The following ITPRIP variants were observed in gnomAD, a reference collection of about 807,000 sequenced individuals.
ITPRIP encodes the protein inositol 1,4,5-trisphosphate receptor-interacting protein.
In ITPRIP, 32 loss-of-function variants were observed where a neutral mutation model predicts 35.8. The ratio of observed to expected loss-of-function variants is 0.89; its 90% CI spans 0.68 to 1.20. ITPRIP has a LOEUF of 1.20. Ranked by LOEUF, ITPRIP falls within the 50% of genes most tolerant of loss-of-function variation. The probability of loss-of-function intolerance (pLI) is 0.00; values close to 1 mark genes in which losing one functional copy is unlikely to be tolerated. For synonymous variants in ITPRIP, 358 were observed against 324.0 expected, an observed-to-expected ratio of 1.11 and a Z score of -1.13; for missense variants, 653 against 735.6, an observed-to-expected ratio of 0.89 and a Z score of 1.30.
At position 104,314,357 on chromosome 10, in the gene ITPRIP, G is replaced by A. The variant is rs753430147; in HGVS notation, c.*51C>T. ...GGCAGATGCCACCAGGGGTGTGAAC[G>A]TGAGGGATGCCCTCATCTTAGCTCG... On this transcript the variant is annotated 3_prime_UTR_variant, in exon 2 of 2. Transcript: ENST00000337478. The A allele has an allele frequency of 8.3e-6, 13 of 1,558,320 alleles. No homozygotes were observed. Among genetic ancestry groups the A allele is most frequent in the South Asian group, 2.5e-5 (2 of 81,582 alleles).
rs757755727 is a variant in ITPRIP at position 104,315,510 on chromosome 10, C to T, written c.542G>A (p.Arg181Gln). 1 of 1,614,224 alleles carries T rather than the reference C, an allele frequency of 6.2e-7. No individual in the cohort carries two copies. Among genetic ancestry groups the T allele is most frequent in the Non-Finnish European group, 8.5e-7 (1 of 1,180,024 alleles). ...GTCCTCCACCTCCATGTCGGTGTCC[C>T]GGTTGCAGAGGCTCCTCAGGGCTTC... ...LLEALRSLCN[R>Q]DTDMEVEDFI... Residue 181 changes from arginine (R) to glutamine (Q), a missense_variant, in exon 2 of 2, where the codon CGG becomes CAG. Coordinates refer to ENST00000337478, the MANE Select transcript of ITPRIP (RefSeq NM_001272013.2). This position sits in a 1 kb window ranked among gnomAD's most constrained non-coding sequence, Gnocchi z 5.7.
At position 104,312,891 on chromosome 10, in the gene ITPRIP, C is replaced by T; in HGVS notation, c.*1517G>A. On this transcript the variant is annotated 3_prime_UTR_variant, in exon 2 of 2. Coordinates refer to ENST00000337478, the MANE Select transcript of ITPRIP (RefSeq NM_001272013.2). ...AGGAACACGGTATATTCTTGACTCCCTGGCCCCCTGCAAGGGTAACTGAAG... is the reference window on the plus strand; with the variant it reads ...AGGAACACGGTATATTCTTGACTCCTTGGCCCCCTGCAAGGGTAACTGAAG... The T allele has an allele frequency of 1.0e-6, 1 of 985,432 alleles. No individual in the cohort carries two copies. The highest frequency in any genetic ancestry group is 1.2e-6 in the Non-Finnish European group (1 of 829,930). The allele number at this position is 985,432 out of a possible 1,614,324, so 61.0% of individuals were successfully genotyped here. A position where few individuals can be genotyped will look rare whatever the true frequency, so the allele number is the denominator to read the frequency against.
In ITPRIP at chr10:104,317,661, T is replaced by C. The variant is rs114577866; in HGVS notation, c.-13-1597A>G. 9.7e-3 allele frequency among the ~76,000 whole-genome samples: 1,484 copies of C among 152,316 alleles called. 29 individuals are homozygous for C. Among genetic ancestry groups the C allele is most frequent in the African/African-American group, 0.034 (1,418 of 41,564 alleles). On this transcript the variant is annotated intron_variant, in intron 1 of 1. Transcript: ENST00000337478. ...GAGATTGTTGAGAGCACAGGGCTCC[T>C]TCTACCACCCCCTAGTGCACACTAA...
At chr10:104,331,386 G>T (rs1486909946) in intron 1 of ITPRIP, among the ~76,000 whole-genome samples, 1 of 152,212 alleles carries the variant, frequency 6.6e-6, no homozygotes, top group Non-Finnish European at 1.5e-5. Flanking sequence ...TATTGAAGCC[G>T]GCTCCCATGA....
At position 104,315,748 on chromosome 10, in the gene ITPRIP, C is replaced by T; in HGVS notation, c.304G>A (p.Val102Met). The T allele has an allele frequency of 1.9e-6, 3 of 1,613,954 alleles. No homozygotes were observed. Among genetic ancestry groups the T allele is most frequent in the Admixed American group, 1.7e-5 (1 of 60,032 alleles). The change falls in exon 2 of 2, where the codon GTG (valine) becomes ATG (methionine). Residue 102 changes from valine to methionine, a missense_variant. By Grantham distance (21) the Val-to-Met change is conservative. Transcript: ENST00000337478. This position sits in a 1 kb window ranked among gnomAD's most constrained non-coding sequence, Gnocchi z 5.7. ...LCMILFLMIE[V>M]WRQDHQEGPS... ...CCCTCCTGGTGGTCCTGCCGCCACACCTCGATCATCAGGAAGAGGATCATG... is the reference window on the plus strand; with the variant it reads ...CCCTCCTGGTGGTCCTGCCGCCACATCTCGATCATCAGGAAGAGGATCATG...
chr10:104,318,560 A>G (rs2013751539), intron 1 of ITPRIP, among the ~76,000 whole-genome samples: 2 of 152,178 alleles, frequency 1.3e-5, no homozygotes, highest in South Asian at 4.1e-4. Context: ...TCTACGCCAC[A>G]CTTCATGGTG....
chr10:104,323,522 G>C (rs1197253589), intron 1 of ITPRIP: 2 of 152,172 alleles, frequency 1.3e-5, no homozygotes, highest in Non-Finnish European at 2.9e-5. Context: ...CCCTGCCTGG[G>C]GGTACCTCTG....
At chr10:104,336,496 G>C (rs866492707) in intron 1 of ITPRIP, among the ~76,000 whole-genome samples, 1 of 67,834 alleles carries the variant, frequency 1.5e-5, no homozygotes, top group Non-Finnish European at 2.6e-5. Flanking sequence ...TTTTTTTTTG[G>C]GGGGGGGGGG....
chr10:104,338,404 T>G lies in ITPRIP; in HGVS notation c.-172A>C, dbSNP rs1190684085. 6.6e-6 allele frequency: 1 copy of G among 152,294 alleles called. No homozygotes were observed. Among genetic ancestry groups the G allele is most frequent in the African/African-American group, 2.4e-5 (1 of 41,476 alleles). 9.4% of individuals were successfully genotyped at this position (152,294 alleles called of 1,614,324 possible). Reference sequence around the variant, plus strand: ...GGGGCGCGGGCGGCGATGCCCCCGCTGGCTCCCACCTTCTGGCCTGCAGCG... The same window carrying G: ...GGGGCGCGGGCGGCGATGCCCCCGCGGGCTCCCACCTTCTGGCCTGCAGCG... On this transcript the variant is annotated 5_prime_UTR_variant, in exon 1 of 2. Transcript: ENST00000337478.
rs777360853 is a variant in ITPRIP, at chr10:104,315,993, G to A, written c.59C>T (p.Pro20Leu). 6.8e-6 allele frequency: 11 copies of A among 1,611,046 alleles called. No individual in the cohort carries two copies. The African/African-American group carries it at 1.3e-4, about 20-fold the overall frequency. ...LVVVTAIINH[P>L]LLFPRENATV... ...GGCGTTCTCCCGCGGGAACAGCAGC[G>A]GGTGGTTGATGATGGCCGTCACCAC... The change falls in exon 2 of 2, where the codon CCG becomes CTG. Residue 20 changes from proline to leucine, a missense_variant. Pro to Leu is a moderately conservative substitution (Grantham distance 98). Coordinates refer to ENST00000337478, the MANE Select transcript of ITPRIP (RefSeq NM_001272013.2). This position sits in a 1 kb window ranked among gnomAD's most constrained non-coding sequence, Gnocchi z 5.7.
At chr10:104,335,104 C>T (rs772245097) in intron 1 of ITPRIP, among the ~76,000 whole-genome samples, 6 of 152,282 alleles carry the variant, frequency 3.9e-5, no homozygotes, top group Non-Finnish European at 8.8e-5. Flanking sequence ...ATCTGCTGGG[C>T]ACCAGCTGGC....
intron 1 of ITPRIP, among the ~76,000 whole-genome samples, chr10:104,329,630 C>T (rs1003654569): frequency 5.9e-5 from 9 of 152,162 alleles, no homozygotes; most frequent in South Asian, 4.2e-4. Flanking sequence ...CTACTGTCAC[C>T]GAGAAAGAAA....
At chr10:104,336,221 T>C (rs1463170259) in intron 1 of ITPRIP, among the ~76,000 whole-genome samples, 1 of 152,212 alleles carries the variant, frequency 6.6e-6, no homozygotes, top group Non-Finnish European at 1.5e-5. Context: ...GAGGTTATCA[T>C]GAACAGTTCT....
intron 1 of ITPRIP, among the ~76,000 whole-genome samples, chr10:104,320,870 A>G (rs986398864): frequency 1.3e-5 from 2 of 152,164 alleles, no homozygotes; most frequent in Non-Finnish European, 2.9e-5. Flanking sequence ...ATCAAGCTGT[A>G]ACCCAACTGT....
rs1489997268 is a variant in ITPRIP at position 104,314,609 on chromosome 10, G to A, written c.1443C>T (p.Asn481=). 13 of 1,614,054 alleles carry A rather than the reference G, an allele frequency of 8.1e-6. No individual in the cohort carries two copies. Among genetic ancestry groups the A allele is most frequent in the Middle Eastern group, 3.3e-4 (2 of 6,084 alleles). ...QKKLHHFFIG[N]RKVPEAMGLP... ...GTCCCATGGCCTCAGGCACCTTGCGGTTGCCGATGAAGAAGTGGTGGAGCT... is the reference window on the plus strand; with the variant it reads ...GTCCCATGGCCTCAGGCACCTTGCGATTGCCGATGAAGAAGTGGTGGAGCT... Residue 481 remains asparagine (N), a synonymous_variant, in exon 2 of 2, where the codon AAC becomes AAT. Transcript: ENST00000337478.
Sources: allele counts gnomAD v4.1 joint callset (sites outside exome capture counted in the v4.1 genomes callset), GRCh38; gene constraint gnomAD v4.1.1; non-coding constraint Gnocchi (gnomAD v3.1); transcripts MANE v1.5; gene names NCBI Gene and HGNC (gene_info 2026-07-23, HGNC 2026-07-21).